The following NEK10 variants were observed in gnomAD, a reference collection of about 807,000 sequenced individuals.
The protein encoded by NEK10 is serine/threonine-protein kinase Nek10.
In NEK10, 122 loss-of-function variants were observed where a neutral mutation model predicts 159.8. That is an observed-to-expected ratio of 0.76 (90% CI 0.66 to 0.89). The LOEUF (loss-of-function observed/expected upper bound fraction) is 0.89. Ranked by LOEUF, NEK10 falls within the 40% of genes least tolerant of loss-of-function variation. NEK10 has a pLI of 0.00. For synonymous variants in NEK10, 466 were observed against 457.1 expected (o/e 1.02, Z -0.25); for missense variants, 1,342 against 1,323.1 (o/e 1.01, Z -0.22).
At chr3:27,365,588 G>GT (rs1362482083) in intron 1 of NEK10, among the ~76,000 whole-genome samples, 1 of 116,284 alleles carries the variant, frequency 8.6e-6, no homozygotes, top group Non-Finnish European at 1.8e-5. Context: ...TTTTGTTTTG[G>GT]TTTTTTGTGT....
chr3:27,295,541 A>G, intron 15 of NEK10, 72 bp downstream of exon 15: 3 of 1,502,468 alleles, frequency 2.0e-6, no homozygotes, highest in Admixed American at 2.1e-5. Context: ...TCTAAAAATC[A>G]TAGATCATTT....
intron 30 of NEK10, among the ~76,000 whole-genome samples, chr3:27,154,647 A>G (rs764145034): frequency 2.6e-5 from 4 of 152,218 alleles, no homozygotes; most frequent in Admixed American, 6.5e-5. Context: ...TTTAAAATAC[A>G]CAAGTCAATA....
chr3:27,232,165 TA>T (rs1180614009), intron 23 of NEK10, among the ~76,000 whole-genome samples: 4 of 151,254 alleles, frequency 2.6e-5, no homozygotes, highest in Non-Finnish European at 5.9e-5. Flanking sequence ...GCAGAAAACC[TA>T]AAAACTCATC....
intron 5 of NEK10, among the ~76,000 whole-genome samples, chr3:27,326,557 C>A (rs965960729): frequency 2.6e-5 from 4 of 151,600 alleles, no homozygotes; most frequent in Non-Finnish European, 4.4e-5. Flanking sequence ...TCCTTCCCAC[C>A]TCCCAGGAAA....
intron 29 of NEK10, among the ~76,000 whole-genome samples, chr3:27,163,694 C>T (rs900316291): frequency 3.3e-5 from 5 of 152,092 alleles, no homozygotes; most frequent in Admixed American, 1.3e-4. Flanking sequence ...AAATAAGAAA[C>T]ATCTGTGCCC....
At chr3:27,121,938 A>T (rs1941374360) in intron 32 of NEK10, among the ~76,000 whole-genome samples, 1 of 152,180 alleles carries the variant, frequency 6.6e-6, no homozygotes, top group Admixed American at 6.5e-5. Flanking sequence ...CTCACTATGA[A>T]TTTATACCTT....
At chr3:27,274,808 C>T (rs1420972704) in intron 22 of NEK10, among the ~76,000 whole-genome samples, 1 of 152,068 alleles carries the variant, frequency 6.6e-6, no homozygotes, top group African/African-American at 2.4e-5. Flanking sequence ...AAGCATAGTA[C>T]TCTGTACCAC....
chr3:27,128,341 T>C (rs1291939275), intron 32 of NEK10, among the ~76,000 whole-genome samples: 1 of 152,166 alleles, frequency 6.6e-6, no homozygotes, highest in East Asian at 1.9e-4. Flanking sequence ...TACACTCCCA[T>C]CAGGTGGCAT....
intron 1 of NEK10, among the ~76,000 whole-genome samples, chr3:27,361,399 G>C (rs2048675871): frequency 6.6e-6 from 1 of 152,128 alleles, no homozygotes; most frequent in Admixed American, 6.5e-5. Context: ...AGGAAAAAAG[G>C]TCCAGATGAT....
intron 12 of NEK10, among the ~76,000 whole-genome samples, chr3:27,303,222 T>C (rs2043971668): frequency 6.6e-6 from 1 of 152,236 alleles, no homozygotes; most frequent in Non-Finnish European, 1.5e-5. Context: ...AATGATACTT[T>C]AGATGTGAAA....
chr3:27,345,794 C>A (rs2047510670), intron 4 of NEK10, among the ~76,000 whole-genome samples: 2 of 152,326 alleles, frequency 1.3e-5, no homozygotes, highest in South Asian at 4.1e-4. Flanking sequence ...AAGATTGGGA[C>A]AAGCCTAACC....
chr3:27,299,210 G>A (rs1043242965), intron 13 of NEK10, among the ~76,000 whole-genome samples: 2 of 152,162 alleles, frequency 1.3e-5, no homozygotes, highest in Non-Finnish European at 2.9e-5. Flanking sequence ...TCTGCTGTGC[G>A]CAGTCTAGGG....
intron 3 of NEK10, among the ~76,000 whole-genome samples, chr3:27,346,419 C>G (rs990389766): frequency 6.6e-6 from 1 of 152,124 alleles, no homozygotes; most frequent in Non-Finnish European, 1.5e-5. Flanking sequence ...TTTTATTTTT[C>G]TTCATAGCTT....
chr3:27,342,168 C>T (rs2047243699), intron 5 of NEK10, among the ~76,000 whole-genome samples: 1 of 152,120 alleles, frequency 6.6e-6, no homozygotes, highest in Admixed American at 6.6e-5. Flanking sequence ...TCCTTGCACA[C>T]AGTACATGCT....
chr3:27,202,636 G>T, intron 23 of NEK10, 79 bp from the exon 24 acceptor site: 2 of 1,369,896 alleles, frequency 1.5e-6, no homozygotes, highest in South Asian at 4.0e-5. Context: ...AAGCTTTATT[G>T]GAGTTATTTT....
At chr3:27,309,062 C>A (rs888935528) in intron 9 of NEK10, 57 bp from the exon 10 acceptor site, 45 of 781,444 alleles carry the variant, frequency 5.8e-5, no homozygotes, top group Admixed American at 9.3e-5. Flanking sequence ...CTTCTTTTTT[C>A]AACATTAACA....
At chr3:27,339,235 G>A (rs1479902797) in intron 5 of NEK10, among the ~76,000 whole-genome samples, 1 of 151,974 alleles carries the variant, frequency 6.6e-6, no homozygotes, top group Non-Finnish European at 1.5e-5. Context: ...ACTACTTTTC[G>A]TGTTTTAATC....
At chr3:27,253,011 A>G in intron 23 of NEK10, 4 of 406,216 alleles carry the variant, frequency 9.8e-6, no homozygotes, top group Non-Finnish European at 1.9e-5. Flanking sequence ...TGTATCAAAA[A>G]AATAATTTTT....
chr3:27,316,796 AAAAG>A (rs1454618664), intron 6 of NEK10, among the ~76,000 whole-genome samples: 5 of 151,526 alleles, frequency 3.3e-5, no homozygotes, highest in Non-Finnish European at 7.4e-5. Context: ...AAAAGAAAAA[AAAAG>A]AAAAGAGAGA....
Sources: gnomAD v4.1 joint callset for allele counts (sites outside exome capture counted in the v4.1 genomes callset) on GRCh38, gnomAD v4.1.1 for gene constraint, MANE v1.5 for transcripts, NCBI Gene and HGNC (gene_info 2026-07-23, HGNC 2026-07-21) for gene names.